The following HMGB1 variants were observed in gnomAD, a reference collection of about 807,000 sequenced individuals.
The protein encoded by HMGB1 is high mobility group box 1, also known as high mobility group protein B1.
For synonymous variants in HMGB1, 81 were observed against 84.0 expected (o/e 0.96, Z 0.19); for missense variants, 79 against 253.5 (o/e 0.31, Z 4.67).
Position 30,563,756 on chromosome 13 carries a change from A to C in HMGB1, c.-15+52915T>G, listed in dbSNP as rs1285711160. On this transcript the variant is annotated intron_variant, in intron 1 of 4. Coordinates refer to the HMGB1 transcript ENST00000405805. ...AGAAGTAACCTAGGACCTTCATGTT[A>C]GAGGTGTCTTTGGCAAAACTGTTAT... Among the ~76,000 whole-genome samples the C allele has an allele frequency of 2.0e-5, 3 of 152,250 alleles. No individual in the cohort carries two copies. In the East Asian group the frequency reaches 5.8e-4, roughly 29 times the overall value.
chr13:30,535,296 G>GTTT (rs1868381221), intron 1 of HMGB1, among the ~76,000 whole-genome samples: 1 of 152,160 alleles, frequency 6.6e-6, no homozygotes, highest in African/African-American at 2.4e-5. Context: ...TCATTCTCAA[G>GTTT]TTTCTTGCCA....
In HMGB1 at chr13:30,557,832, C is replaced by T. The variant is rs138320486; in HGVS notation, c.-15+58839G>A. ...TGAAATACAGTTCCAGAAAGAGAAG[C>T]GGATGTTAAGAAGAGAGCGAGACAG... is the stretch of plus-strand genomic sequence containing the variant. On this transcript the variant is annotated intron_variant, in intron 1 of 4. Transcript: ENST00000405805. 1.4e-3 allele frequency among the ~76,000 whole-genome samples: 218 copies of T among 152,234 alleles called. 2 individuals carry two copies. The highest frequency in any genetic ancestry group is 2.3e-3 in the Non-Finnish European group (157 of 68,016).
Position 30,559,269 on chromosome 13 carries a change from A to G in HMGB1, c.-15+57402T>C, listed in dbSNP as rs1869837083. ...CAAGGCCAGTGCTTCCTGTGCTTCTAGAGTGGCTAGGGAAGCACACTATGG... is the reference window on the plus strand; with the variant it reads ...CAAGGCCAGTGCTTCCTGTGCTTCTGGAGTGGCTAGGGAAGCACACTATGG... On this transcript the variant is annotated intron_variant, in intron 1 of 4. Transcript: ENST00000405805. This position sits in a 1 kb window ranked among gnomAD's most constrained non-coding sequence, Gnocchi z 6.6. Among the ~76,000 whole-genome samples, 1 of 152,148 alleles carries G rather than the reference A, an allele frequency of 6.6e-6. No homozygotes were observed. Among genetic ancestry groups the G allele is most frequent in the South Asian group, 2.1e-4 (1 of 4,836 alleles).
intron 1 of HMGB1, among the ~76,000 whole-genome samples, chr13:30,509,480 C>T (rs933042243): frequency 1.3e-5 from 2 of 152,070 alleles, no homozygotes; most frequent in Admixed American, 1.3e-4. Flanking sequence ...TCAAATTATT[C>T]ACCTGCCTCA....
intron 1 of HMGB1, among the ~76,000 whole-genome samples, chr13:30,495,182 A>G (rs1317976406): frequency 6.6e-6 from 1 of 152,200 alleles, no homozygotes; most frequent in Non-Finnish European, 1.5e-5. Flanking sequence ...ATTCACTGCC[A>G]TCCTTACCTC....
intron 1 of HMGB1, among the ~76,000 whole-genome samples, chr13:30,482,567 A>C (rs1267735714): frequency 1.3e-5 from 2 of 152,122 alleles, no homozygotes; most frequent in Non-Finnish European, 2.9e-5. Context: ...GCCTAAGCTT[A>C]CCCAGCTAGT....
At chr13:30,607,412 C>T (rs1048632791) in intron 1 of HMGB1, among the ~76,000 whole-genome samples, 8 of 152,184 alleles carry the variant, frequency 5.3e-5, no homozygotes, top group Admixed American at 2.0e-4. Context: ...ATGGTTTAAA[C>T]GCATGGGACT....
intron 1 of HMGB1, among the ~76,000 whole-genome samples, chr13:30,517,631 C>T (rs1392892501): frequency 1.3e-5 from 2 of 152,168 alleles, no homozygotes; most frequent in African/African-American, 2.4e-5. Flanking sequence ...TCAAATGATC[C>T]GCCCGCCTTG....
Position 30,463,262 on chromosome 13 carries a change from G to A in HMGB1, c.241C>T (p.Pro81Ser), listed in dbSNP as rs756214554. ...AACTTCTTTTTTGTCTCCCCTTTGGGAGGGATATAGGTTTTCATTTCTCTT... is the reference window on the plus strand; with the variant it reads ...AACTTCTTTTTTGTCTCCCCTTTGGAAGGGATATAGGTTTTCATTTCTCTT... ...YEREMKTYIP[P>S]KGETKKKFKD... Residue 81 changes from proline (P) to serine (S), a missense_variant, in exon 3 of 5, where the codon CCC becomes TCC. By Grantham distance (74) the Pro-to-Ser change is moderately conservative. Coordinates refer to ENST00000341423, the MANE Select transcript of HMGB1 (RefSeq NM_002128.7). 6.2e-7 allele frequency: 1 copy of A among 1,605,554 alleles called. No individual in the cohort carries two copies. Among genetic ancestry groups the A allele is most frequent in the Non-Finnish European group, 8.5e-7 (1 of 1,178,516 alleles).
At chr13:30,607,693 C>A (rs998279636) in intron 1 of HMGB1, among the ~76,000 whole-genome samples, 59 of 152,136 alleles carry the variant, frequency 3.9e-4, no homozygotes, top group African/African-American at 1.4e-3. Context: ...CAGAGTAGTT[C>A]TTGATCATGC....
intron 1 of HMGB1, among the ~76,000 whole-genome samples, chr13:30,549,077 T>C (rs574279663): frequency 6.6e-6 from 1 of 151,770 alleles, no homozygotes; most frequent in African/African-American, 2.4e-5. Flanking sequence ...TAGGAGGAAC[T>C]CTTGTGCCCA....
rs140604699 is a variant in HMGB1 at position 30,459,119 on chromosome 13, A to C, written c.*2238T>G. On this transcript the variant is annotated 3_prime_UTR_variant, in exon 5 of 5. Transcript: ENST00000341423. Reference sequence around the variant, plus strand: ...ACAGCACTGTAACTATCTTGGCATTAAAATAGTTTCTATACACTTTCTAAA... The same window carrying C: ...ACAGCACTGTAACTATCTTGGCATTCAAATAGTTTCTATACACTTTCTAAA... 6 of 152,296 alleles carry C rather than the reference A, an allele frequency of 3.9e-5. No individual in the cohort carries two copies. Among genetic ancestry groups the C allele is most frequent in the Admixed American group, 1.3e-4 (2 of 15,292 alleles). 9.4% of individuals were successfully genotyped at this position (152,296 alleles called of 1,614,324 possible).
intron 1 of HMGB1, chr13:30,464,483 CT>C: frequency 1.0e-6 from 1 of 985,100 alleles, no homozygotes; most frequent in Non-Finnish European, 1.2e-6. Context: ...CCCCCCGCCC[CT>C]AGAACTTCGC....
chr13:30,488,498 G>T (rs112205187), intron 1 of HMGB1, among the ~76,000 whole-genome samples: 1 of 68,298 alleles, frequency 1.5e-5, no homozygotes, highest in Non-Finnish European at 3.5e-5. Context: ...TTTCTTTTCT[G>T]TTTGAGACAG....
chr13:30,512,083 G>A (rs1467327834), intron 1 of HMGB1, among the ~76,000 whole-genome samples: 4 of 152,048 alleles, frequency 2.6e-5, no homozygotes, highest in African/African-American at 9.7e-5. Flanking sequence ...GGAGGCTGAG[G>A]CAGGAGGATC....
At chr13:30,464,759 C>CA in intron 1 of HMGB1, 1 of 228,870 alleles carries the variant, frequency 4.4e-6, no homozygotes, top group Non-Finnish European at 5.5e-6. Context: ...GGCTCCTTCC[C>CA]TTTGTGTGTG....
chr13:30,498,616 G>A (rs1293233502), intron 1 of HMGB1, among the ~76,000 whole-genome samples: 1 of 143,340 alleles, frequency 7.0e-6, no homozygotes, highest in African/African-American at 2.6e-5. Flanking sequence ...TCTAGGCAAA[G>A]GAATCAGCAA....
intron 1 of HMGB1, among the ~76,000 whole-genome samples, chr13:30,604,768 C>G (rs1235870152): frequency 1.3e-5 from 2 of 152,168 alleles, no homozygotes; most frequent in Non-Finnish European, 2.9e-5. Flanking sequence ...CGCCATTCTC[C>G]CACCTCAGCC....
intron 1 of HMGB1, among the ~76,000 whole-genome samples, chr13:30,479,567 T>G (rs1887180802): frequency 6.6e-6 from 1 of 152,248 alleles, no homozygotes; most frequent in South Asian, 2.1e-4. Context: ...TCACTTCTTT[T>G]GTTCTGGCAT....
Sources: allele counts gnomAD v4.1 joint callset (sites outside exome capture counted in the v4.1 genomes callset), GRCh38; gene constraint gnomAD v4.1.1; non-coding constraint Gnocchi (gnomAD v3.1); transcripts MANE v1.5; gene names NCBI Gene and HGNC (gene_info 2026-07-23, HGNC 2026-07-21).